Variants in IDUA observed in about 807,000 individuals in gnomAD.
The protein encoded by IDUA is alpha-L-iduronidase.
IDUA carries 65 observed loss-of-function variants against 68.9 expected under a neutral mutation model. The observed-to-expected ratio is 0.94, with a 90% confidence interval of 0.77 to 1.16. The LOEUF (loss-of-function observed/expected upper bound fraction) is 1.16. Ranked by LOEUF, IDUA falls within the 50% of genes most tolerant of loss-of-function variation. The pLI is 0.00. For missense variants in IDUA, 1,046 were observed against 938.0 expected (o/e 1.12, Z -1.50); for synonymous variants, 529 against 433.6 (o/e 1.22, Z -2.73).
chr4:1,004,011 G>C lies in IDUA; in HGVS notation c.1728-1G>C, dbSNP rs1249951282. ...CCTTGTTCTTGGCCTGACCTCCCCA[G>C]GTGCCTGTGGACATACGAGATCCAG... On this transcript the variant is annotated splice_acceptor_variant, in intron 12 of 13. Coordinates refer to ENST00000514224, the MANE Select transcript of IDUA (RefSeq NM_000203.5). LOFTEE classifies it high-confidence loss of function. This position sits in a 1 kb window ranked among gnomAD's most constrained non-coding sequence, Gnocchi z 5.0. 20 of 1,610,678 alleles carry C rather than the reference G, an allele frequency of 1.2e-5. No individual in the cohort carries two copies. Among genetic ancestry groups the C allele is most frequent in the Non-Finnish European group, 1.6e-5 (19 of 1,178,792 alleles).
At chr4:1,000,570 G>A (rs1370312203) in intron 2 of IDUA, 42 bp from the exon 3 acceptor site, 3 of 1,480,788 alleles carry the variant, frequency 2.0e-6, no homozygotes, top group South Asian at 2.3e-5. Flanking sequence ...GCATGGAGCT[G>A]TGTGGGCACC....
rs1214087298 is a variant in IDUA at position 1,002,439 on chromosome 4, G to A, written c.1143G>A (p.Leu381=). 14 of 1,560,406 alleles carry A rather than the reference G, an allele frequency of 9.0e-6. No individual in the cohort carries two copies. The highest frequency in any genetic ancestry group is 1.2e-5 in the Non-Finnish European group (14 of 1,154,854). The change falls in exon 8 of 14, where the codon CTG becomes CTA. Residue 381 remains leucine (L), a synonymous_variant. Transcript: ENST00000514224. ...VNNTRPPHVQ[L]LRKPVLTAMG... ...ACACCCGCCCGCCGCACGTGCAGCT[G>A]TTGCGCAAGCCGGTGCTCACGGCCA...
intron 2 of IDUA, among the ~76,000 whole-genome samples, chr4:1,000,223 G>T (rs56079856): frequency 0.14 from 21,559 of 152,242 alleles, 1,585 homozygotes; most frequent in South Asian, 0.24. Context: ...GTGTGGGAGG[G>T]GAAATGGGGC....
At position 988,815 on chromosome 4, in the gene IDUA, T is replaced by A. The variant is rs536157884; in HGVS notation, c.299+866T>A. ...GTCCCCAGGAGGGAGCAGAGGCTGCTGGGCAGGCCTGGCCCTGCTACAGAT... is the reference window on the plus strand; with the variant it reads ...GTCCCCAGGAGGGAGCAGAGGCTGCAGGGCAGGCCTGGCCCTGCTACAGAT... On this transcript the variant is annotated intron_variant, in intron 2 of 13. Coordinates refer to ENST00000514224, the MANE Select transcript of IDUA (RefSeq NM_000203.5). The A allele has an allele frequency of 2.7e-5, 42 of 1,548,930 alleles. No homozygotes were observed. The East Asian group carries it at 9.9e-4, about 36-fold the overall frequency.
At chr4:988,226 G>A (rs1489248883) in intron 2 of IDUA, 1 of 1,312,418 alleles carries the variant, frequency 7.6e-7, no homozygotes, top group Non-Finnish European at 9.7e-7. Flanking sequence ...GCATCCCTGT[G>A]TGTGTCTGCT....
chr4:992,125 C>A, intron 2 of IDUA: 1 of 489,016 alleles, frequency 2.0e-6, no homozygotes, highest in Admixed American at 2.3e-5. Flanking sequence ...ACAGGCTGGG[C>A]TGCCACCACG....
chr4:995,238 T>A (rs1424982581), intron 2 of IDUA, among the ~76,000 whole-genome samples: 1 of 151,794 alleles, frequency 6.6e-6, no homozygotes, highest in African/African-American at 2.4e-5. Flanking sequence ...AGAGACAGGG[T>A]TTCACTATGT....
chr4:1,003,377 C>A lies in IDUA; in HGVS notation c.1557C>A (p.Pro519=). Residue 519 remains proline (P), a synonymous_variant, in exon 11 of 14, where the codon CCC becomes CCA. Transcript: ENST00000514224. ...DPVAAAPRPL[P]AGGRLTLRPA... ...TGGCCGCGGCGCCCCGCCCCTTACC[C>A]GCCGGCGGCCGCCTGACCCTGCGCC... 6.7e-7 allele frequency: 1 copy of A among 1,490,650 alleles called. No individual in the cohort carries two copies. Among genetic ancestry groups the A allele is most frequent in the South Asian group, 1.3e-5 (1 of 78,610 alleles). 92.3% of individuals were successfully genotyped at this position (1,490,650 alleles called of 1,614,324 possible).
At position 1,004,084 on chromosome 4, in the gene IDUA, G is replaced by C. The variant is rs763047621; in HGVS notation, c.1800G>C (p.Ser600=). The part of the protein sequence containing the change: ...KAYTPVSRKP[S]TFNLFVFSPD... ...ACACCCCGGTCAGCAGGAAGCCATC[G>C]ACCTTCAACCTCTTTGTGTTCAGCC... Residue 600 remains serine (S), a synonymous_variant, in exon 13 of 14, where the codon TCG becomes TCC. Coordinates refer to ENST00000514224, the MANE Select transcript of IDUA (RefSeq NM_000203.5). The surrounding 1 kb of genome is among the most constrained non-coding windows in gnomAD (Gnocchi z 5.0). 6.2e-7 allele frequency: 1 copy of C among 1,612,616 alleles called. No individual in the cohort carries two copies. Among genetic ancestry groups the C allele is most frequent in the Non-Finnish European group, 8.5e-7 (1 of 1,179,858 alleles).
rs774488302 is a variant in IDUA at position 1,002,766 on chromosome 4, C to T, written c.1224C>T (p.Ala408=). The change falls in exon 9 of 14, where the codon GCC becomes GCT. Residue 408 remains alanine (A), a synonymous_variant. Coordinates refer to ENST00000514224, the MANE Select transcript of IDUA (RefSeq NM_000203.5). ...EEQLWAEVSQ[A]GTVLDSNHTV... ...AGCTCTGGGCCGAAGTGTCGCAGGCCGGGACCGTCCTGGACAGCAACCACA... is the reference window on the plus strand; with the variant it reads ...AGCTCTGGGCCGAAGTGTCGCAGGCTGGGACCGTCCTGGACAGCAACCACA... 109 of 1,482,640 alleles carry T rather than the reference C, an allele frequency of 7.4e-5. No homozygotes were observed. Among genetic ancestry groups the T allele is most frequent in the Non-Finnish European group, 8.7e-5 (98 of 1,123,142 alleles). The allele number at this position is 1,482,640 out of a possible 1,614,324, so 91.8% of individuals were successfully genotyped here. A position where few individuals can be genotyped will look rare whatever the true frequency, so the allele number is the denominator to read the frequency against.
chr4:991,373 T>C (rs1328879647), intron 2 of IDUA: 2 of 1,612,494 alleles, frequency 1.2e-6, no homozygotes, highest in East Asian at 2.2e-5. Flanking sequence ...AGGAAGTAGA[T>C]GAGGTTGGCG....
In IDUA at chr4:1,003,560, C is replaced by T. The variant is rs1051037909; in HGVS notation, c.1662C>T (p.Leu554=). The change falls in exon 12 of 14, where the codon CTC becomes CTT. Residue 554 remains leucine, a synonymous_variant. Coordinates refer to ENST00000514224, the MANE Select transcript of IDUA (RefSeq NM_000203.5). ...PEKPPGQVTR[L]RALPLTQGQL... ...CTTCCCTCCCCCAGGTCACGCGGCT[C>T]CGCGCCCTGCCCCTGACCCAAGGGC... 1 of 1,611,988 alleles carries T rather than the reference C, an allele frequency of 6.2e-7. No homozygotes were observed. Among genetic ancestry groups the T allele is most frequent in the African/African-American group, 1.3e-5 (1 of 74,922 alleles).
rs547620758 is a variant in IDUA, at chr4:996,123, T to G, written c.300-4489T>G. Among the ~76,000 whole-genome samples the G allele has an allele frequency of 3.9e-5, 6 of 152,326 alleles. No homozygotes were observed. The South Asian group carries it at 1.2e-3, about 32-fold the overall frequency. On this transcript the variant is annotated intron_variant, in intron 2 of 13. Coordinates refer to ENST00000514224, the MANE Select transcript of IDUA (RefSeq NM_000203.5). ...GCCCTGTCCTCCAGAGTCTGAGCCC[T>G]TGCTTCCACCCCAGCCCAACCTGGG...
rs1039668945 is a variant in IDUA, at chr4:1,002,949, G to A, written c.1402+5G>A. The A allele has an allele frequency of 8.4e-5, 114 of 1,363,620 alleles. No homozygotes were observed. Among genetic ancestry groups the A allele is most frequent in the Non-Finnish European group, 9.9e-5 (106 of 1,065,988 alleles). 84.5% of individuals were successfully genotyped at this position (1,363,620 alleles called of 1,614,324 possible). On this transcript the variant is annotated splice_donor_5th_base_variant and intron_variant, in intron 9 of 13. Coordinates refer to ENST00000514224, the MANE Select transcript of IDUA (RefSeq NM_000203.5). ...GCGGGGTGCCCCCCGGCCCGGGTAA[G>A]CCGGGGTTCCAGGGAGGTCTCTGGC...
chr4:987,561 G>T, intron 1 of IDUA: 1 of 1,277,830 alleles, frequency 7.8e-7, no homozygotes, highest in Non-Finnish European at 1.0e-6. Context: ...CTAGAGCTGA[G>T]GTACCCGCCT....
intron 4 of IDUA, 195 bp from the exon 5 acceptor site, chr4:1,001,273 C>G: frequency 1.5e-6 from 1 of 655,080 alleles, no homozygotes; most frequent in South Asian, 1.7e-5. Flanking sequence ...AGGCCGCACC[C>G]CTATCACCCA....
chr4:987,579 A>G, intron 1 of IDUA: 1 of 1,363,276 alleles, frequency 7.3e-7, no homozygotes, highest in Non-Finnish European at 9.6e-7. Context: ...CCTTCCTGGC[A>G]GGGCCAGGGC....
intron 2 of IDUA, among the ~76,000 whole-genome samples, chr4:996,543 T>C (rs1714753001): frequency 6.6e-6 from 1 of 151,886 alleles, no homozygotes; most frequent in Admixed American, 6.6e-5. Context: ...GGACCTGTGG[T>C]GAGGTTTTAG....
chr4:989,136 C>A (rs749299830), intron 2 of IDUA: 2 of 1,607,362 alleles, frequency 1.2e-6, no homozygotes, highest in South Asian at 1.1e-5. Context: ...CGGGCACCAG[C>A]GCAGCCCTGG....
Sources: gnomAD v4.1 joint callset for allele counts (sites outside exome capture counted in the v4.1 genomes callset) on GRCh38, gnomAD v4.1.1 for gene constraint, Gnocchi (gnomAD v3.1) non-coding constraint, MANE v1.5 for transcripts, NCBI Gene and HGNC (gene_info 2026-07-23, HGNC 2026-07-21) for gene names.